The following DSE variants were observed in gnomAD, a reference collection of about 807,000 sequenced individuals.
DSE encodes the protein dermatan-sulfate epimerase.
In DSE, 36 loss-of-function variants were observed where a neutral mutation model predicts 84.4. The ratio of observed to expected loss-of-function variants is 0.43; its 90% CI spans 0.33 to 0.56. The LOEUF is 0.56. DSE is among the 20% of genes least tolerant of loss of function. The pLI, the probability that DSE is intolerant of heterozygous loss-of-function variation, is 0.06. For missense variants in DSE, 862 were observed against 1,169.6 expected (o/e 0.74, Z 3.84); for synonymous variants, 410 against 430.1 (o/e 0.95, Z 0.58).
intron 2 of DSE, among the ~76,000 whole-genome samples, chr6:116,321,654 A>C (rs1437522630): frequency 6.6e-6 from 1 of 152,060 alleles, no homozygotes; most frequent in Non-Finnish European, 1.5e-5. Context: ...GGCGCCTGTA[A>C]TTCCAGCTAC....
intron 2 of DSE, among the ~76,000 whole-genome samples, chr6:116,353,056 T>A (rs1778396400): frequency 6.6e-6 from 1 of 152,152 alleles, no homozygotes; most frequent in Admixed American, 6.5e-5. Context: ...TGGTCATAAG[T>A]GGTTGGGCTT....
At chr6:116,343,151 T>G (rs1183342626) in intron 2 of DSE, among the ~76,000 whole-genome samples, 1 of 152,078 alleles carries the variant, frequency 6.6e-6, no homozygotes, top group Non-Finnish European at 1.5e-5. Flanking sequence ...ACTAGGAAGC[T>G]CAAACTGGGC....
At chr6:116,264,804 G>A (rs1462599296) in intron 2 of DSE, among the ~76,000 whole-genome samples, 2 of 152,132 alleles carry the variant, frequency 1.3e-5, no homozygotes, top group Non-Finnish European at 2.9e-5. Flanking sequence ...GGTGGACTCA[G>A]CCAACTGGCT....
chr6:116,332,263 T>C (rs1191651327), intron 2 of DSE, among the ~76,000 whole-genome samples: 12 of 152,078 alleles, frequency 7.9e-5, no homozygotes, highest in African/African-American at 2.9e-4. Context: ...GACAAATCAA[T>C]GAATACTTGT....
intron 3 of DSE, among the ~76,000 whole-genome samples, chr6:116,430,134 T>C (rs1783728843): frequency 1.3e-5 from 2 of 152,214 alleles, no homozygotes; most frequent in Admixed American, 1.3e-4. Flanking sequence ...AGCTCATTTT[T>C]TGGCAGATTC....
At chr6:116,426,983 T>G (rs1047817950) in intron 3 of DSE, among the ~76,000 whole-genome samples, 156 bp downstream of exon 3, 2 of 152,228 alleles carry the variant, frequency 1.3e-5, no homozygotes, top group Non-Finnish European at 2.9e-5. Context: ...TATCACTTAG[T>G]TAATTGAGGG....
At chr6:116,254,265 A>G (rs568133409) in exon 1 of DSE, 17 of 678,638 alleles carry the variant, frequency 2.5e-5, no homozygotes, top group South Asian at 9.0e-5. Flanking sequence ...AGTTTTACTT[A>G]CGTAAATGGA....
intron 2 of DSE, among the ~76,000 whole-genome samples, chr6:116,275,311 A>G (rs370468326): frequency 6.6e-6 from 1 of 152,224 alleles, no homozygotes; most frequent in African/African-American, 2.4e-5. Context: ...TGCAAGTGAA[A>G]GATTTAATGT....
At chr6:116,395,409 A>T (rs1251056448) in intron 1 of DSE, among the ~76,000 whole-genome samples, 1 of 149,728 alleles carries the variant, frequency 6.7e-6, no homozygotes, top group Non-Finnish European at 1.5e-5. Flanking sequence ...TGGGCGACAG[A>T]GCGAGACTCC....
chr6:116,399,150 A>G (rs1781429948), intron 1 of DSE, 48 bp from the exon 2 acceptor site: 2 of 1,509,152 alleles, frequency 1.3e-6, no homozygotes, highest in Non-Finnish European at 1.8e-6. Context: ...CACCTGTGCC[A>G]TGTTCCCTTG....
chr6:116,408,088 C>G (rs112650330), intron 2 of DSE, among the ~76,000 whole-genome samples: 37 of 152,304 alleles, frequency 2.4e-4, no homozygotes, highest in African/African-American at 8.9e-4. Context: ...TGTTCTCTAG[C>G]CCCTCATCCA....
chr6:116,378,895 T>C (rs958154741), intron 1 of DSE, among the ~76,000 whole-genome samples: 1 of 152,154 alleles, frequency 6.6e-6, no homozygotes, highest in Admixed American at 6.5e-5. Context: ...TGCATGAATG[T>C]AGGGGGCATT....
At chr6:116,338,316 G>C (rs1441112187) in intron 2 of DSE, among the ~76,000 whole-genome samples, 1 of 145,480 alleles carries the variant, frequency 6.9e-6, no homozygotes, top group Non-Finnish European at 1.5e-5. Flanking sequence ...TCTGCCTCCC[G>C]GGTTCAAGCA....
At chr6:116,345,623 G>C (rs959785775) in intron 2 of DSE, among the ~76,000 whole-genome samples, 1 of 152,148 alleles carries the variant, frequency 6.6e-6, no homozygotes, top group Non-Finnish European at 1.5e-5. Flanking sequence ...AAAGCAGTGT[G>C]TAGAGGGAAA....
chr6:116,370,097 C>G, upstream of DSE: 1 of 507,844 alleles, frequency 2.0e-6, no homozygotes, highest in South Asian at 2.0e-5. Flanking sequence ...TGAGCAGTGG[C>G]TGATTTTTGG....
intron 2 of DSE, among the ~76,000 whole-genome samples, chr6:116,299,696 G>A (rs1411962877): frequency 6.6e-6 from 1 of 151,606 alleles, no homozygotes; most frequent in Non-Finnish European, 1.5e-5. Context: ...GTACCACATA[G>A]AATCTCTAAA....
At chr6:116,291,390 TAAGA>T (rs1774272134) in intron 2 of DSE, among the ~76,000 whole-genome samples, 1 of 151,574 alleles carries the variant, frequency 6.6e-6, no homozygotes, top group East Asian at 1.9e-4. Context: ...AAAATTATAA[TAAGA>T]GAGAGGGGGT....
At chr6:116,296,310 C>T (rs756358271) in intron 2 of DSE, among the ~76,000 whole-genome samples, 39 of 151,990 alleles carry the variant, frequency 2.6e-4, no homozygotes, top group Non-Finnish European at 4.7e-4. Context: ...TTTACTGTTA[C>T]GTATTTTCTT....
At chr6:116,354,892 G>C (rs1778495697) in intron 2 of DSE, among the ~76,000 whole-genome samples, 1 of 152,006 alleles carries the variant, frequency 6.6e-6, no homozygotes, top group African/African-American at 2.4e-5. Context: ...TTTATAAAAA[G>C]CCAATCTGTA....
Sources: allele counts gnomAD v4.1 joint callset (sites outside exome capture counted in the v4.1 genomes callset), GRCh38; gene constraint gnomAD v4.1.1; transcripts MANE v1.5; gene names NCBI Gene and HGNC (gene_info 2026-07-23, HGNC 2026-07-21).